Variants in TSGA10 observed in about 807,000 individuals in gnomAD.
TSGA10 encodes the protein testis-specific gene 10 protein.
A neutral mutation model predicts 96.6 loss-of-function variants in TSGA10; 43 were observed. The ratio of observed to expected loss-of-function variants is 0.44; its 90% CI spans 0.35 to 0.57. The LOEUF (loss-of-function observed/expected upper bound fraction) is 0.57. Ranked by LOEUF, TSGA10 falls within the 20% of genes least tolerant of loss-of-function variation. TSGA10 has a pLI of 0.01. For missense variants in TSGA10, 703 were observed against 834.4 expected, an observed-to-expected ratio of 0.84 and a Z score of 1.94; for synonymous variants, 229 against 269.9, an observed-to-expected ratio of 0.85 and a Z score of 1.48.
At position 99,138,234 on chromosome 2, in the gene TSGA10, C is replaced by T. The variant is rs561579528; in HGVS notation, c.-620-11058G>A. 7.9e-5 allele frequency among the ~76,000 whole-genome samples: 12 copies of T among 152,344 alleles called. No individual in the cohort carries two copies. The South Asian group carries it at 2.5e-3, about 32-fold the overall frequency. ...CATGGCTATCTTCTCACCCTCAGCT[C>T]TTTGGCTGAAATGTCAGAGGGTCTT... is the stretch of plus-strand genomic sequence containing the variant. On this transcript the variant is annotated intron_variant, in intron 1 of 20. Transcript: ENST00000393483.
At chr2:99,033,762 C>G (rs553646635) in intron 17 of TSGA10, among the ~76,000 whole-genome samples, 1 of 151,964 alleles carries the variant, frequency 6.6e-6, no homozygotes. Flanking sequence ...ATTGTTTGAA[C>G]CCGGGAGGCG....
At chr2:99,002,753 G>GAGAC (rs2104795692) in intron 20 of TSGA10, among the ~76,000 whole-genome samples, 1 of 152,132 alleles carries the variant, frequency 6.6e-6, no homozygotes, top group South Asian at 2.1e-4. Context: ...CTCACATGCA[G>GAGAC]AGACACACAT....
intron 12 of TSGA10, among the ~76,000 whole-genome samples, chr2:99,077,472 A>C (rs923744529): frequency 3.3e-5 from 5 of 152,218 alleles, no homozygotes; most frequent in Non-Finnish European, 1.5e-5. Flanking sequence ...GATATTTGTG[A>C]AAACAGCTTA....
chr2:99,127,066 G>C lies in TSGA10; in HGVS notation c.-510C>G. ...ACGCAACCTGTAATTTCAGTGTCGA[G>C]ATGAATCTATCTTGGTTTCTCACTT... On this transcript the variant is annotated 5_prime_UTR_variant, in exon 2 of 21. It adds an upstream start codon to the 5' untranslated region. Transcript: ENST00000393483. The C allele has an allele frequency of 7.8e-7, 1 of 1,289,346 alleles. No individual in the cohort carries two copies. The highest frequency in any genetic ancestry group is 2.3e-5 in the Admixed American group (1 of 43,494). The allele number at this position is 1,289,346 out of a possible 1,614,324, so 79.9% of individuals were successfully genotyped here.
At chr2:99,087,078 C>G (rs2088574489) in intron 10 of TSGA10, among the ~76,000 whole-genome samples, 1 of 152,028 alleles carries the variant, frequency 6.6e-6, no homozygotes, top group South Asian at 2.1e-4. Context: ...GTGGTGGGCA[C>G]CTGTAGTCCC....
At chr2:99,115,396 T>C (rs1221169476) in intron 4 of TSGA10, among the ~76,000 whole-genome samples, 4 of 151,944 alleles carry the variant, frequency 2.6e-5, no homozygotes, top group Admixed American at 2.0e-4. Context: ...TATTGAAAAA[T>C]GTTTAAAATA....
chr2:99,070,429 A>G (rs745411207), intron 14 of TSGA10, among the ~76,000 whole-genome samples: 95 of 152,130 alleles, frequency 6.2e-4, no homozygotes, highest in Non-Finnish European at 3.1e-4. Flanking sequence ...AGGTGATTTT[A>G]TCCCACTACA....
At chr2:99,071,575 G>T in intron 14 of TSGA10, 131 bp downstream of exon 14, 1 of 756,318 alleles carries the variant, frequency 1.3e-6, no homozygotes, top group Non-Finnish European at 2.1e-6. Flanking sequence ...GGCCTATTTT[G>T]TTATTTTTTA....
At position 99,072,905 on chromosome 2, in the gene TSGA10, G is replaced by C. The variant is rs2086152960; in HGVS notation, c.938+113C>G. ...CAGACTTAGGCCTCCTTTGATGAGA[G>C]AGTTAGCACCTTACACGTATCATTA... On this transcript the variant is annotated intron_variant, in intron 13 of 20. Coordinates refer to ENST00000393483, the MANE Select transcript of TSGA10 (RefSeq NM_025244.4). 5.8e-6 allele frequency: 4 copies of C among 691,426 alleles called. No homozygotes were observed. In the East Asian group the frequency reaches 1.1e-4, roughly 19 times the overall value. The allele number at this position is 691,426 out of a possible 1,614,324, so 42.8% of individuals were successfully genotyped here. A position where few individuals can be genotyped will look rare whatever the true frequency, so the allele number is the denominator to read the frequency against.
At chr2:99,000,260 C>T (rs886948211) in intron 20 of TSGA10, among the ~76,000 whole-genome samples, 1 of 151,912 alleles carries the variant, frequency 6.6e-6, no homozygotes, top group Non-Finnish European at 1.5e-5. Flanking sequence ...GTAATCCCAG[C>T]ACCTTGGGAG....
chr2:99,101,853 G>GA (rs1352652843), intron 10 of TSGA10, among the ~76,000 whole-genome samples: 1 of 152,148 alleles, frequency 6.6e-6, no homozygotes, highest in Non-Finnish European at 1.5e-5. Context: ...CTCAGAAACA[G>GA]AAAGTAAAAT....
chr2:99,133,019 AATTTTAGAATAAGTGTG>A (rs1559119219), intron 1 of TSGA10, among the ~76,000 whole-genome samples: 1 of 152,158 alleles, frequency 6.6e-6, no homozygotes, highest in Non-Finnish European at 1.5e-5. Context: ...TTATGCGGTC[AATTTTAGAATAAGTGTG>A]ATGTGTTGCT....
At chr2:99,150,464 C>CTT (rs75507898) in intron 1 of TSGA10, 3,727 of 1,107,866 alleles carry the variant, frequency 3.4e-3, no homozygotes, top group South Asian at 0.01. Context: ...TCACTTGTTA[C>CTT]TTTTTTTTTT....
chr2:99,102,635 G>T, intron 10 of TSGA10: 1 of 1,614,082 alleles, frequency 6.2e-7, no homozygotes, highest in Non-Finnish European at 8.5e-7. Flanking sequence ...GGCCTGAACT[G>T]CTTGAGTCAG....
chr2:99,098,456 G>T (rs1309495730), intron 10 of TSGA10, among the ~76,000 whole-genome samples: 1 of 100,502 alleles, frequency 1.0e-5, no homozygotes, highest in African/African-American at 4.1e-5. Flanking sequence ...AAAAAAAAAA[G>T]AAAAGAAAAG....
At chr2:99,074,272 C>T (rs140251210) in intron 12 of TSGA10, among the ~76,000 whole-genome samples, 2,327 of 151,856 alleles carry the variant, frequency 0.015, 49 homozygotes, top group African/African-American at 0.052. Flanking sequence ...CCTCGGCCTC[C>T]CAAAGTGCTG....
intron 1 of TSGA10, among the ~76,000 whole-genome samples, chr2:99,144,193 T>G (rs1030693918): frequency 6.6e-6 from 1 of 151,922 alleles, no homozygotes; most frequent in Non-Finnish European, 1.5e-5. Flanking sequence ...GCTAATTTTT[T>G]TGTATTTTTA....
At chr2:99,068,597 C>T (rs1305801385) in intron 15 of TSGA10, among the ~76,000 whole-genome samples, 1 of 152,142 alleles carries the variant, frequency 6.6e-6, no homozygotes, top group Non-Finnish European at 1.5e-5. Flanking sequence ...GAAACCCCAC[C>T]ACTTTCAATT....
chr2:99,119,736 C>A (rs946021086), intron 2 of TSGA10, among the ~76,000 whole-genome samples: 1 of 152,166 alleles, frequency 6.6e-6, no homozygotes, highest in African/African-American at 2.4e-5. Context: ...CCAAAGCCCA[C>A]CTCTAGCAAC....
Sources: allele counts gnomAD v4.1 joint callset (sites outside exome capture counted in the v4.1 genomes callset), GRCh38; gene constraint gnomAD v4.1.1; transcripts MANE v1.5; gene names NCBI Gene and HGNC (gene_info 2026-07-23, HGNC 2026-07-21).